The following MYO9B variants were observed in gnomAD, a reference collection of about 807,000 sequenced individuals.
MYO9B encodes myosin IXB.
A neutral mutation model predicts 229.5 loss-of-function variants in MYO9B; 71 were observed. The ratio of observed to expected loss-of-function variants is 0.31; its 90% confidence interval spans 0.26 to 0.38. The LOEUF is 0.38. Ranked by LOEUF, MYO9B falls within the 10% of genes least tolerant of loss-of-function variation. The pLI is 1.00. For synonymous variants in MYO9B, 1,185 were observed against 1,235.8 expected (o/e 0.96, Z 0.86); for missense variants, 2,255 against 2,920.5 (o/e 0.77, Z 5.25).
chr19:17,120,324 T>A (rs2057950146), intron 2 of MYO9B, among the ~76,000 whole-genome samples: 2 of 152,252 alleles, frequency 1.3e-5, no homozygotes, highest in Admixed American at 1.3e-4. Flanking sequence ...CAGAGCAGAT[T>A]GGATTCAAAG....
intron 1 of MYO9B, among the ~76,000 whole-genome samples, chr19:17,087,249 G>A (rs1356120050): frequency 1.3e-5 from 2 of 152,194 alleles, no homozygotes; most frequent in Non-Finnish European, 2.9e-5. Flanking sequence ...ACGGGGAGGC[G>A]GGTGGCCAGA....
chr19:17,101,262 C>G lies in MYO9B; in HGVS notation c.-58-398C>G, dbSNP rs1460473313. Reference sequence around the variant, plus strand: ...GTATAATCATGGCTCACTGCAGCCTCGATCTCCTGGGTTCAAGTGATCCTC... The same window carrying G: ...GTATAATCATGGCTCACTGCAGCCTGGATCTCCTGGGTTCAAGTGATCCTC... On this transcript the variant is annotated intron_variant, in intron 1 of 39. Transcript: ENST00000682292. The surrounding 1 kb of genome is among the most constrained non-coding windows in gnomAD (Gnocchi z 4.7). Among the ~76,000 whole-genome samples the G allele has an allele frequency of 1.3e-5, 2 of 151,876 alleles. No individual in the cohort carries two copies. The highest frequency in any genetic ancestry group is 4.8e-5 in the African/African-American group (2 of 41,356).
At chr19:17,127,861 G>A (rs558717635) in intron 2 of MYO9B, among the ~76,000 whole-genome samples, 3 of 152,286 alleles carry the variant, frequency 2.0e-5, no homozygotes, top group East Asian at 1.9e-4. Flanking sequence ...CTGCCCCTTC[G>A]CAGAACAAGT....
At chr19:17,181,121 C>T in intron 15 of MYO9B, 81 bp downstream of exon 15, 1 of 978,830 alleles carries the variant, frequency 1.0e-6, no homozygotes, top group Middle Eastern at 2.2e-4. Context: ...GGCCTGCAGT[C>T]TTCCTAATTT....
At chr19:17,165,514 G>A (rs76742187) in intron 10 of MYO9B, among the ~76,000 whole-genome samples, 3,985 of 152,002 alleles carry the variant, frequency 0.026, 188 homozygotes, top group African/African-American at 0.092. Flanking sequence ...GTTCAAGGCT[G>A]CAGTGACCTA....
chr19:17,120,596 G>T lies in MYO9B; in HGVS notation c.840+18039G>T, dbSNP rs2057952736. On this transcript the variant is annotated intron_variant, in intron 2 of 39. Coordinates refer to ENST00000682292, the MANE Select transcript of MYO9B (RefSeq NM_004145.4). Reference sequence around the variant, plus strand: ...GTTATAGTTGGTGAGCCATGATCATGCCATTGCATTCCAGCCTCGGCAACA... The same window carrying T: ...GTTATAGTTGGTGAGCCATGATCATTCCATTGCATTCCAGCCTCGGCAACA... 2.2e-5 allele frequency among the ~76,000 whole-genome samples: 3 copies of T among 136,906 alleles called. No individual in the cohort carries two copies. In the South Asian group the frequency reaches 6.8e-4, roughly 31 times the overall value. The allele number at this position is 136,906 out of a possible 152,430, so 89.8% of individuals were successfully genotyped here. A position where few individuals can be genotyped will look rare whatever the true frequency, so the allele number is the denominator to read the frequency against.
chr19:17,156,264 A>G (rs2072536579), intron 6 of MYO9B, among the ~76,000 whole-genome samples: 1 of 151,934 alleles, frequency 6.6e-6, no homozygotes, highest in African/African-American at 2.4e-5. Flanking sequence ...AGACAGTTTC[A>G]CTAGCCAGGC....
At chr19:17,115,518 G>C (rs570109598) in intron 2 of MYO9B, among the ~76,000 whole-genome samples, 3 of 147,526 alleles carry the variant, frequency 2.0e-5, no homozygotes, top group Non-Finnish European at 4.5e-5. Context: ...GCCCAGGCTG[G>C]AGTTCAGTGG....
At chr19:17,096,862 C>T (rs572607406) in intron 1 of MYO9B, among the ~76,000 whole-genome samples, 110 of 151,224 alleles carry the variant, frequency 7.3e-4, no homozygotes, top group African/African-American at 2.5e-3. Context: ...CCCGCCACTG[C>T]GCCCAGCTAA....
intron 2 of MYO9B, among the ~76,000 whole-genome samples, chr19:17,129,398 TCAACAA>T (rs145485118): frequency 2.0e-5 from 3 of 151,702 alleles, no homozygotes; most frequent in East Asian, 1.9e-4. Context: ...CGAGACAGTT[TCAACAA>T]CAACAACAAC....
intron 1 of MYO9B, among the ~76,000 whole-genome samples, chr19:17,079,530 G>A (rs773890132): frequency 2.6e-5 from 4 of 152,136 alleles, no homozygotes; most frequent in Admixed American, 6.6e-5. Context: ...AGGTTGCCCC[G>A]GATAAACGTC....
Position 17,168,023 on chromosome 19 carries a change from G to A in MYO9B, c.1752G>A (p.Lys584=), listed in dbSNP as rs1218492747. 1 of 1,612,046 alleles carries A rather than the reference G, an allele frequency of 6.2e-7. No individual in the cohort carries two copies. The highest frequency in any genetic ancestry group is 1.3e-5 in the African/African-American group (1 of 74,844). Residue 584 remains lysine, a synonymous_variant, in exon 11 of 40, where the codon AAG becomes AAA. Transcript: ENST00000682292. ...TCGGCTGCATCCATCTCATCAGCAA[G>A]AAACCCACGGGCCTCTTCTACCTGC... The part of the protein sequence containing the change: ...DNVGCIHLIS[K]KPTGLFYLLD...
intron 3 of MYO9B, among the ~76,000 whole-genome samples, chr19:17,150,477 G>T (rs1235301351): frequency 6.6e-6 from 1 of 152,028 alleles, no homozygotes. Context: ...GGAACCTCGT[G>T]CTGTCCCCTG....
Position 17,185,940 on chromosome 19 carries a change from T to C in MYO9B, c.2516T>C (p.Leu839Ser). ...AQFQTSLNKL[L>S]EALGKAEPFF... ...TAACAGACATCCCTTAACAAGCTCT[T>C]GGAGGCACTGGGGAAGGCGGAGCCC... The change falls in exon 18 of 40, where the codon TTG becomes TCG. Residue 839 changes from leucine to serine, a missense_variant. Physicochemically the swap from Leu to Ser is moderately radical, Grantham distance 145. Around this residue, in one of 7 missense-constraint regions of MYO9B, gnomAD observed 68 missense variants for 133.5 expected, o/e 0.51. Coordinates refer to ENST00000682292, the MANE Select transcript of MYO9B (RefSeq NM_004145.4). The C allele has an allele frequency of 6.2e-7, 1 of 1,613,910 alleles. No homozygotes were observed. The highest frequency in any genetic ancestry group is 8.5e-7 in the Non-Finnish European group (1 of 1,179,806).
At chr19:17,210,435 G>C (rs2073214164) in intron 37 of MYO9B, 55 bp downstream of exon 37, 2 of 1,504,416 alleles carry the variant, frequency 1.3e-6, no homozygotes, top group East Asian at 4.8e-5. Flanking sequence ...AGTGCATGCT[G>C]GGGTTCCCTG....
intron 1 of MYO9B, among the ~76,000 whole-genome samples, chr19:17,077,483 C>A (rs939921443): frequency 6.6e-6 from 1 of 152,152 alleles, no homozygotes. Flanking sequence ...TTGCACTGGC[C>A]TACAGAACAG....
At chr19:17,121,538 G>A (rs1484249836) in intron 2 of MYO9B, among the ~76,000 whole-genome samples, 6 of 151,892 alleles carry the variant, frequency 4.0e-5, no homozygotes, top group Non-Finnish European at 7.4e-5. Context: ...GAGCCTGGGG[G>A]CCCCAAAAGG....
intron 2 of MYO9B, among the ~76,000 whole-genome samples, chr19:17,141,907 GCCA>G (rs2072344736): frequency 6.6e-6 from 1 of 152,170 alleles, no homozygotes; most frequent in Non-Finnish European, 1.5e-5. Flanking sequence ...TTACAGGTGA[GCCA>G]CCGTGCCTGT....
chr19:17,147,119 C>T lies in MYO9B; in HGVS notation c.935+1628C>T, dbSNP rs536495762. On this transcript the variant is annotated intron_variant, in intron 3 of 39. Transcript: ENST00000682292. The stretch of plus-strand genomic sequence containing the variant: ...GCAGTCAGTGGCCCCCCAACTCCTA[C>T]CACCTGCCCACATGGGTGTACCCGG... Among the ~76,000 whole-genome samples the T allele has an allele frequency of 5.9e-5, 9 of 152,370 alleles. No homozygotes were observed. The South Asian group carries it at 1.9e-3, about 32-fold the overall frequency.
Sources: allele counts gnomAD v4.1 joint callset (sites outside exome capture counted in the v4.1 genomes callset), GRCh38; gene constraint gnomAD v4.1.1; regional missense constraint gnomAD v4.1.1; non-coding constraint Gnocchi (gnomAD v3.1); transcripts MANE v1.5; gene names NCBI Gene and HGNC (gene_info 2026-07-23, HGNC 2026-07-21).